The following MAP3K20 variants were observed in gnomAD, a reference collection of about 807,000 sequenced individuals.
MAP3K20 encodes the protein mitogen-activated protein kinase kinase kinase 20.
Under a neutral mutation model 85.7 loss-of-function variants are expected in MAP3K20, and 40 were observed. The ratio of observed to expected loss-of-function variants is 0.47; its 90% CI spans 0.36 to 0.61. The LOEUF is 0.61. Ranked by LOEUF, MAP3K20 falls within the 20% of genes least tolerant of loss-of-function variation. The pLI is 0.00. For synonymous variants in MAP3K20, 325 were observed against 327.7 expected, an observed-to-expected ratio of 0.99 and a Z score of 0.09; for missense variants, 817 against 961.7, an observed-to-expected ratio of 0.85 and a Z score of 1.99.
intron 2 of MAP3K20, among the ~76,000 whole-genome samples, chr2:173,130,883 G>A (rs1399768238): frequency 6.6e-6 from 1 of 152,198 alleles, no homozygotes; most frequent in African/African-American, 2.4e-5. Flanking sequence ...TTCAGAATGT[G>A]ACAAGGTTTT....
At chr2:173,227,775 C>T (rs1443709561) in intron 11 of MAP3K20, among the ~76,000 whole-genome samples, 2 of 152,190 alleles carry the variant, frequency 1.3e-5, no homozygotes, top group African/African-American at 2.4e-5. Flanking sequence ...CATCCCCTCC[C>T]CCCAACCCAG....
At position 173,263,889 on chromosome 2, in the gene MAP3K20, G is replaced by T. The variant is rs537234498; in HGVS notation, c.1696G>T (p.Asp566Tyr). The T allele has an allele frequency of 6.8e-6, 11 of 1,606,934 alleles. No individual in the cohort carries two copies. In the South Asian group the frequency reaches 1.2e-4, roughly 18 times the overall value. ...NSDGNPGSRS[D>Y]SSADCQWLDT... ...AGATGGCAACCCTGGAAGCAGGTCC[G>T]ACTCAAGTAAGTTAGTGTTCCCGTA... The change falls in exon 19 of 20, where the codon GAC becomes TAC. Residue 566 changes from aspartate (D) to tyrosine (Y), a missense_variant. By Grantham distance (160) the Asp-to-Tyr change is radical. Around this residue, in one of 4 missense-constraint regions of MAP3K20, gnomAD observed 454 missense variants for 476.9 expected, o/e 0.95. Coordinates refer to ENST00000375213, the MANE Select transcript of MAP3K20 (RefSeq NM_016653.3).
At chr2:173,129,504 G>A (rs188825107) in intron 2 of MAP3K20, among the ~76,000 whole-genome samples, 2 of 152,210 alleles carry the variant, frequency 1.3e-5, no homozygotes, top group African/African-American at 2.4e-5. Context: ...AAAGAAACAT[G>A]CATCTTACAA....
At chr2:173,219,658 G>T (rs1311290279) in intron 11 of MAP3K20, among the ~76,000 whole-genome samples, 3 of 152,174 alleles carry the variant, frequency 2.0e-5, no homozygotes, top group African/African-American at 4.8e-5. Flanking sequence ...CCATATAATG[G>T]ATACCTTTGA....
At chr2:173,177,965 A>C (rs1213307845) in intron 3 of MAP3K20, among the ~76,000 whole-genome samples, 1 of 152,156 alleles carries the variant, frequency 6.6e-6, no homozygotes, top group African/African-American at 2.4e-5. Flanking sequence ...CAATGAAAGG[A>C]AATAATAAAG....
At chr2:173,228,768 C>T (rs1385234354) in intron 11 of MAP3K20, among the ~76,000 whole-genome samples, 1 of 152,042 alleles carries the variant, frequency 6.6e-6, no homozygotes, top group Admixed American at 6.6e-5. Context: ...AAGGTTAACT[C>T]ACCTACCCTA....
intron 2 of MAP3K20, among the ~76,000 whole-genome samples, chr2:173,132,279 A>G (rs1221791740): frequency 6.6e-6 from 1 of 152,154 alleles, no homozygotes; most frequent in Non-Finnish European, 1.5e-5. Context: ...GTTCTCCATT[A>G]CCTATAGAAA....
At chr2:173,088,095 A>G (rs889170997) in intron 1 of MAP3K20, among the ~76,000 whole-genome samples, 12 of 152,218 alleles carry the variant, frequency 7.9e-5, no homozygotes, top group African/African-American at 2.9e-4. Context: ...ACTTGTTTTA[A>G]TTTTATTGAG....
Position 173,184,225 on chromosome 2 carries a change from G to A in MAP3K20, c.349+1270G>A, listed in dbSNP as rs994914427. On this transcript the variant is annotated intron_variant, in intron 4 of 19. Transcript: ENST00000375213. ...TAAGCAAGGTGATGTGCCTTTATTG[G>A]AGGCTGCCTGAGCATTGTGGAAATA... Among the ~76,000 whole-genome samples, 5 of 152,194 alleles carry A rather than the reference G, an allele frequency of 3.3e-5. 1 individual carries two copies. The highest frequency in any genetic ancestry group is 4.1e-4 in the South Asian group (2 of 4,832).
chr2:173,108,893 T>G (rs1385279685), intron 2 of MAP3K20, among the ~76,000 whole-genome samples: 1 of 152,326 alleles, frequency 6.6e-6, no homozygotes, highest in East Asian at 1.9e-4. Flanking sequence ...ACCAAAGGCA[T>G]GGAATCTTAC....
chr2:173,265,486 C>T (rs563087083), intron 19 of MAP3K20, among the ~76,000 whole-genome samples: 1 of 152,318 alleles, frequency 6.6e-6, no homozygotes, highest in South Asian at 2.1e-4. Context: ...GACACGTGAA[C>T]GGTCTTTCTT....
chr2:173,225,847 C>G, intron 11 of MAP3K20: 1 of 984,424 alleles, frequency 1.0e-6, no homozygotes, highest in Non-Finnish European at 1.2e-6. Context: ...CTGGTGGCAA[C>G]TTGATGAAAC....
intron 2 of MAP3K20, among the ~76,000 whole-genome samples, chr2:173,154,732 T>C (rs1263363916): frequency 6.6e-6 from 1 of 152,178 alleles, no homozygotes; most frequent in East Asian, 1.9e-4. Context: ...TATAAAATAA[T>C]GTAGATACTA....
chr2:173,243,915 T>C (rs1471222188), intron 16 of MAP3K20, among the ~76,000 whole-genome samples: 2 of 152,290 alleles, frequency 1.3e-5, no homozygotes, highest in East Asian at 1.9e-4. Context: ...CGTGAGTCAC[T>C]GCGCCCGGCC....
At chr2:173,142,795 T>C (rs999137568) in intron 2 of MAP3K20, among the ~76,000 whole-genome samples, 1 of 152,140 alleles carries the variant, frequency 6.6e-6, no homozygotes, top group African/African-American at 2.4e-5. Context: ...AGCCCAGTAA[T>C]ATACATAATT....
chr2:173,213,927 C>A (rs1683991089), intron 10 of MAP3K20, among the ~76,000 whole-genome samples: 1 of 152,134 alleles, frequency 6.6e-6, no homozygotes, highest in South Asian at 2.1e-4. Flanking sequence ...TCAGACTACT[C>A]CCCTTTCCCC....
At chr2:173,256,526 T>C (rs62174394) in intron 16 of MAP3K20, among the ~76,000 whole-genome samples, 18,303 of 100,788 alleles carry the variant, frequency 0.18, 1,860 homozygotes, top group East Asian at 0.59. Context: ...GATAGATAGA[T>C]AGATAGACAG....
chr2:173,096,618 G>A (rs943244835), intron 2 of MAP3K20, among the ~76,000 whole-genome samples: 9 of 152,146 alleles, frequency 5.9e-5, no homozygotes, highest in African/African-American at 1.7e-4. Flanking sequence ...GATTACAGGC[G>A]TGAGCCACTG....
At chr2:173,174,815 T>G (rs1279204548) in intron 3 of MAP3K20, among the ~76,000 whole-genome samples, 1 of 152,222 alleles carries the variant, frequency 6.6e-6, no homozygotes, top group African/African-American at 2.4e-5. Context: ...GTACAATGTC[T>G]TCACTGTAGT....
Sources: allele counts gnomAD v4.1 joint callset (sites outside exome capture counted in the v4.1 genomes callset), GRCh38; gene constraint gnomAD v4.1.1; regional missense constraint gnomAD v4.1.1; transcripts MANE v1.5; gene names NCBI Gene and HGNC (gene_info 2026-07-23, HGNC 2026-07-21).